Variants in PSKH2 observed in about 807,000 individuals in gnomAD.
PSKH2 encodes serine/threonine-protein kinase H2.
In PSKH2, 16 loss-of-function variants were observed where a neutral mutation model predicts 22.5. The ratio of observed to expected loss-of-function variants is 0.71; its 90% CI spans 0.48 to 1.08. The LOEUF (loss-of-function observed/expected upper bound fraction) is 1.08. Among genes scored for constraint, PSKH2 ranks in the 50% least tolerant of loss-of-function variants. The pLI, the probability that PSKH2 is intolerant of heterozygous loss-of-function variation, is 0.00. For synonymous variants in PSKH2, 188 were observed against 184.8 expected (o/e 1.02, Z -0.14); for missense variants, 516 against 492.8 (o/e 1.05, Z -0.44).
chr8:86,067,539 T>C (rs1817882842), intron 1 of PSKH2, among the ~76,000 whole-genome samples: 1 of 151,488 alleles, frequency 6.6e-6, no homozygotes, highest in Non-Finnish European at 1.5e-5. Flanking sequence ...TCTTAAAGAG[T>C]AGCCTCAGAG....
At chr8:86,069,204 C>G (rs1218065360) in intron 1 of PSKH2, among the ~76,000 whole-genome samples, 1 of 152,068 alleles carries the variant, frequency 6.6e-6, no homozygotes, top group Non-Finnish European at 1.5e-5. Flanking sequence ...GTGGCCCTAA[C>G]TCTCTTGATG....
At chr8:86,051,132 C>T (rs1021123814) in intron 2 of PSKH2, among the ~76,000 whole-genome samples, 1 of 151,164 alleles carries the variant, frequency 6.6e-6, no homozygotes, top group Admixed American at 6.6e-5. Flanking sequence ...GTGGCATGAT[C>T]GTGGCTCACT....
rs918401944 is a variant in PSKH2, at chr8:86,047,733, A to G, written c.*729T>C. Among the ~76,000 whole-genome samples the G allele has an allele frequency of 2.6e-5, 4 of 152,168 alleles. No homozygotes were observed. The highest frequency in any genetic ancestry group is 7.2e-5 in the African/African-American group (3 of 41,456). On this transcript the variant is annotated 3_prime_UTR_variant, in exon 3 of 3. Coordinates refer to ENST00000276616, the MANE Select transcript of PSKH2 (RefSeq NM_033126.3). ...AAGTCATCAAGATATTTGATTAAAT[A>G]ATTCTAAAAGAAACCAGTACATACT...
At chr8:86,060,929 T>C (rs934024918) in intron 2 of PSKH2, among the ~76,000 whole-genome samples, 2 of 152,196 alleles carry the variant, frequency 1.3e-5, no homozygotes, top group Admixed American at 6.5e-5. Context: ...CCTGTATGCA[T>C]GCACGCACCC....
At chr8:86,063,578 A>G (rs2130166317) in intron 2 of PSKH2, among the ~76,000 whole-genome samples, 1 of 152,368 alleles carries the variant, frequency 6.6e-6, no homozygotes, top group South Asian at 2.1e-4. Flanking sequence ...TTCTGTGAAC[A>G]CATTAGTCTA....
At chr8:86,053,088 T>C (rs1817656142) in intron 2 of PSKH2, among the ~76,000 whole-genome samples, 1 of 152,210 alleles carries the variant, frequency 6.6e-6, no homozygotes, top group Non-Finnish European at 1.5e-5. Context: ...GAAATGATTG[T>C]AGTTTACGGC....
At chr8:86,057,285 T>TACACACACACACACAC (rs71574253) in intron 2 of PSKH2, among the ~76,000 whole-genome samples, 446 of 129,964 alleles carry the variant, frequency 3.4e-3, no homozygotes, top group Middle Eastern at 0.013. Context: ...TGCATGCATG[T>TACACACACACACACAC]ACACACACAC....
At chr8:86,051,455 G>T (rs908867060) in intron 2 of PSKH2, among the ~76,000 whole-genome samples, 6 of 151,860 alleles carry the variant, frequency 4.0e-5, no homozygotes, top group Admixed American at 2.6e-4. Flanking sequence ...AGTGTATTTA[G>T]GTAAATGAGA....
intron 2 of PSKH2, among the ~76,000 whole-genome samples, chr8:86,059,072 G>A (rs191576946): frequency 1.1e-4 from 17 of 152,088 alleles, no homozygotes; most frequent in African/African-American, 3.9e-4. Context: ...CCAGAATAGC[G>A]GGGACTACAG....
chr8:86,065,547 C>G (rs2130170436), intron 1 of PSKH2, among the ~76,000 whole-genome samples: 1 of 152,256 alleles, frequency 6.6e-6, no homozygotes, highest in African/African-American at 2.4e-5. Flanking sequence ...ACCTACGTAA[C>G]AAACCTGCAC....
At chr8:86,057,857 T>C (rs1014586047) in intron 2 of PSKH2, among the ~76,000 whole-genome samples, 1 of 152,180 alleles carries the variant, frequency 6.6e-6, no homozygotes, top group African/African-American at 2.4e-5. Flanking sequence ...AATGATAGAT[T>C]TTCTTCCATT....
At chr8:86,059,872 C>T (rs539255323) in intron 2 of PSKH2, among the ~76,000 whole-genome samples, 5 of 152,244 alleles carry the variant, frequency 3.3e-5, no homozygotes, top group South Asian at 4.1e-4. Context: ...TTTAGAGGGG[C>T]TGCAGACATA....
At position 86,049,710 on chromosome 8, in the gene PSKH2, GAAA is replaced by G. The variant is rs1563538567; in HGVS notation, c.853-946_853-944del. Reference sequence around the variant, plus strand: ...AGAAAGAAAGAAAGAAAGAAAGAAAGAAAGAAAGAAAGAAAGAAAGAAAGAAAG... The same window carrying G: ...AGAAAGAAAGAAAGAAAGAAAGAAAGGAAAGAAAGAAAGAAAGAAAGAAAG... On this transcript the variant is annotated intron_variant, in intron 2 of 2. Coordinates refer to ENST00000276616, the MANE Select transcript of PSKH2 (RefSeq NM_033126.3). 2.0e-3 allele frequency among the ~76,000 whole-genome samples: 111 copies of G among 55,350 alleles called. 2 individuals carry two copies. Among genetic ancestry groups the G allele is most frequent in the Middle Eastern group, 7.6e-3 (1 of 132 alleles). The allele number at this position is 55,350 out of a possible 152,430, so 36.3% of individuals were successfully genotyped here.
chr8:86,052,601 T>G (rs1335404604), intron 2 of PSKH2, among the ~76,000 whole-genome samples: 1 of 152,212 alleles, frequency 6.6e-6, no homozygotes, highest in Admixed American at 6.5e-5. Context: ...CCTCACACCT[T>G]AATTCCTTCC....
chr8:86,059,660 T>C (rs1318509931), intron 2 of PSKH2, among the ~76,000 whole-genome samples: 27 of 152,192 alleles, frequency 1.8e-4, no homozygotes. Flanking sequence ...AATCTCCCAA[T>C]CTCAAGAGTT....
At chr8:86,053,417 G>A (rs1049532260) in intron 2 of PSKH2, among the ~76,000 whole-genome samples, 9 of 152,060 alleles carry the variant, frequency 5.9e-5, no homozygotes, top group Admixed American at 5.9e-4. Context: ...GTTCTGTTCA[G>A]GCTTCTCTTT....
intron 1 of PSKH2, among the ~76,000 whole-genome samples, chr8:86,065,753 G>C (rs1817847539): frequency 6.6e-6 from 1 of 152,068 alleles, no homozygotes; most frequent in Non-Finnish European, 1.5e-5. Context: ...TGGGAAGACT[G>C]TTTGAGCCTA....
rs377267471 is a variant in PSKH2, at chr8:86,053,613, T to C, written c.853-4846A>G. Among the ~76,000 whole-genome samples the C allele has an allele frequency of 4.3e-4, 65 of 152,320 alleles. No individual in the cohort carries two copies. The South Asian group carries it at 6.2e-3, about 15-fold the overall frequency. ...AATTAGTGGGGCTAATTTAATATCTTGTGCAAAAGATTGGTAAATATACAA... is the reference window on the plus strand; with the variant it reads ...AATTAGTGGGGCTAATTTAATATCTCGTGCAAAAGATTGGTAAATATACAA... On this transcript the variant is annotated intron_variant, in intron 2 of 2. Transcript: ENST00000276616.
chr8:86,053,731 C>CA (rs769786957), intron 2 of PSKH2, among the ~76,000 whole-genome samples: 5 of 151,988 alleles, frequency 3.3e-5, no homozygotes, highest in Non-Finnish European at 7.4e-5. Flanking sequence ...TAAATGCCCA[C>CA]AAAAAATCAT....
Sources: gnomAD v4.1 joint callset for allele counts (sites outside exome capture counted in the v4.1 genomes callset) on GRCh38, gnomAD v4.1.1 for gene constraint, MANE v1.5 for transcripts, NCBI Gene and HGNC (gene_info 2026-07-23, HGNC 2026-07-21) for gene names.